CCSER1: variants seen among roughly 807,000 people sequenced by gnomAD.
The protein encoded by CCSER1 is coiled-coil serine rich protein 1.
CCSER1 carries 41 observed loss-of-function variants against 82.0 expected under a neutral mutation model. That is an observed-to-expected ratio of 0.50 (90% CI 0.39 to 0.65). The LOEUF (loss-of-function observed/expected upper bound fraction) is 0.65. Ranked by LOEUF, CCSER1 falls within the 30% of genes least tolerant of loss-of-function variation. The pLI, the probability that CCSER1 is intolerant of heterozygous loss-of-function variation, is 0.00. For synonymous variants in CCSER1, 414 were observed against 383.9 expected (o/e 1.08, Z -0.92); for missense variants, 1,119 against 1,064.2 (o/e 1.05, Z -0.72).
At chr4:90,294,107 A>G (rs1435285472) in intron 1 of CCSER1, among the ~76,000 whole-genome samples, 2 of 152,104 alleles carry the variant, frequency 1.3e-5, no homozygotes, top group African/African-American at 4.8e-5. Flanking sequence ...CAATAGTGAA[A>G]CCAGATAGAA....
intron 10 of CCSER1, among the ~76,000 whole-genome samples, chr4:91,288,752 C>T (rs1205834716): frequency 1.3e-5 from 2 of 151,872 alleles, no homozygotes; most frequent in Non-Finnish European, 2.9e-5. Context: ...AAATCCATTG[C>T]AGCTAGGGGA....
intron 7 of CCSER1, among the ~76,000 whole-genome samples, chr4:90,793,337 C>T (rs1375033274): frequency 3.3e-5 from 5 of 152,084 alleles, no homozygotes; most frequent in Admixed American, 2.6e-4. Flanking sequence ...CTCCTCCCAC[C>T]CTGCAGCCTC....
intron 1 of CCSER1, among the ~76,000 whole-genome samples, chr4:90,164,637 G>A (rs1238290691): frequency 2.6e-5 from 4 of 152,130 alleles, no homozygotes; most frequent in Non-Finnish European, 5.9e-5. Context: ...CAGAAATAAA[G>A]CGAAGAGGAA....
chr4:90,930,577 C>A (rs1729617380), intron 9 of CCSER1, among the ~76,000 whole-genome samples: 1 of 151,520 alleles, frequency 6.6e-6, no homozygotes, highest in Non-Finnish European at 1.5e-5. Flanking sequence ...CGTGCCACTG[C>A]ACTCCAGCCT....
At chr4:91,312,492 G>A (rs1017058440) in intron 10 of CCSER1, among the ~76,000 whole-genome samples, 11 of 151,814 alleles carry the variant, frequency 7.2e-5, no homozygotes, top group Admixed American at 2.6e-4. Context: ...CATCATCCCT[G>A]CTTTCATGAA....
intron 1 of CCSER1, among the ~76,000 whole-genome samples, chr4:90,260,446 G>C (rs1160366823): frequency 2.0e-5 from 3 of 152,130 alleles, no homozygotes; most frequent in African/African-American, 7.2e-5. Context: ...AGTGTTAGTT[G>C]CATATAGGTT....
chr4:90,987,657 T>G (rs925304215), intron 9 of CCSER1, among the ~76,000 whole-genome samples: 1 of 151,812 alleles, frequency 6.6e-6, no homozygotes, highest in African/African-American at 2.4e-5. Context: ...TGTTTTTTCT[T>G]GTATAAAATT....
rs542707965 is a variant in CCSER1, at chr4:90,637,372, A to G, written c.1932+9140A>G. Among the ~76,000 whole-genome samples, 63 of 152,284 alleles carry G rather than the reference A, an allele frequency of 4.1e-4. 2 individuals are homozygous for G. The South Asian group carries it at 9.9e-3, about 24-fold the overall frequency. On this transcript the variant is annotated intron_variant, in intron 6 of 10. Coordinates refer to ENST00000509176, the MANE Select transcript of CCSER1 (RefSeq NM_001145065.2). ...AGACAAAATGCACAATGTCTTTTGT[A>G]ACCTAGTCTCAGAAGTAATATACCA... is the stretch of plus-strand genomic sequence containing the variant.
intron 1 of CCSER1, among the ~76,000 whole-genome samples, chr4:90,246,704 A>C (rs1721465450): frequency 6.6e-6 from 1 of 152,164 alleles, no homozygotes; most frequent in Non-Finnish European, 1.5e-5. Context: ...ACCTATGATA[A>C]AGTTTAATAT....
chr4:91,369,648 A>G (rs1316904537), intron 10 of CCSER1, among the ~76,000 whole-genome samples: 1 of 148,888 alleles, frequency 6.7e-6, no homozygotes, highest in Non-Finnish European at 1.5e-5. Context: ...CCCAGGTCCA[A>G]ATTAATCTGT....
At chr4:90,697,048 A>T (rs977724473) in intron 6 of CCSER1, among the ~76,000 whole-genome samples, 5 of 152,132 alleles carry the variant, frequency 3.3e-5, no homozygotes, top group Admixed American at 1.3e-4. Context: ...GAGATAAGAG[A>T]CTTAGTGAGG....
intron 10 of CCSER1, among the ~76,000 whole-genome samples, chr4:91,594,356 CACAT>C (rs1429231678): frequency 2.2e-4 from 32 of 144,982 alleles, no homozygotes; most frequent in African/African-American, 7.9e-4. Context: ...CATATATATA[CACAT>C]ATATATACAC....
At chr4:90,428,692 T>C (rs149639661) in intron 4 of CCSER1, among the ~76,000 whole-genome samples, 205 of 151,992 alleles carry the variant, frequency 1.3e-3, no homozygotes, top group Non-Finnish European at 2.1e-3. Flanking sequence ...TGCTGTCTTA[T>C]TGGGTGCAAG....
chr4:90,880,030 C>T (rs1721060962), intron 8 of CCSER1, among the ~76,000 whole-genome samples: 2 of 152,096 alleles, frequency 1.3e-5, no homozygotes. Flanking sequence ...GGGTGTGATC[C>T]AGTAGGTGGC....
chr4:91,072,188 TG>T (rs1156385409), intron 9 of CCSER1, among the ~76,000 whole-genome samples: 1 of 152,154 alleles, frequency 6.6e-6, no homozygotes, highest in Non-Finnish European at 1.5e-5. Flanking sequence ...CTGGGGGGCA[TG>T]GAAGTGCTAA....
At chr4:91,124,101 G>C (rs979372146) in intron 10 of CCSER1, among the ~76,000 whole-genome samples, 4 of 151,680 alleles carry the variant, frequency 2.6e-5, no homozygotes, top group Non-Finnish European at 5.9e-5. Flanking sequence ...TGTGACTAAA[G>C]TATAAAACTT....
At chr4:91,419,257 A>G (rs1280221052) in intron 10 of CCSER1, among the ~76,000 whole-genome samples, 3 of 152,024 alleles carry the variant, frequency 2.0e-5, no homozygotes, top group African/African-American at 4.8e-5. Context: ...ATAAATGAAT[A>G]GAAGGCATTC....
intron 7 of CCSER1, among the ~76,000 whole-genome samples, chr4:90,798,042 C>A (rs1208174315): frequency 6.6e-6 from 1 of 152,164 alleles, no homozygotes; most frequent in Non-Finnish European, 1.5e-5. Flanking sequence ...TGCTGAAGTT[C>A]TCATGGATAA....
chr4:91,320,262 A>G (rs1032746616), intron 10 of CCSER1, among the ~76,000 whole-genome samples: 5 of 152,066 alleles, frequency 3.3e-5, no homozygotes, highest in Admixed American at 1.3e-4. Context: ...GCTAAGATCT[A>G]CTGTAAGAAT....
Sources: allele counts gnomAD v4.1 joint callset (sites outside exome capture counted in the v4.1 genomes callset), GRCh38; gene constraint gnomAD v4.1.1; transcripts MANE v1.5; gene names NCBI Gene and HGNC (gene_info 2026-07-23, HGNC 2026-07-21).